The following HTR7 variants were observed in gnomAD, a reference collection of about 807,000 sequenced individuals.
HTR7 encodes 5-hydroxytryptamine receptor 7.
In HTR7, 16 loss-of-function variants were observed where a neutral mutation model predicts 34.0. That is an observed-to-expected ratio of 0.47 (90% CI 0.32 to 0.71). The LOEUF is 0.71. HTR7 is among the 30% of genes least tolerant of loss of function. The pLI is 0.04. For missense variants in HTR7, 504 were observed against 625.5 expected (o/e 0.81, Z 2.07); for synonymous variants, 265 against 260.2 (o/e 1.02, Z -0.18).
chr10:90,850,587 T>A (rs1846482540), intron 1 of HTR7, among the ~76,000 whole-genome samples: 1 of 151,336 alleles, frequency 6.6e-6, no homozygotes, highest in African/African-American at 2.4e-5. Context: ...GATATTGGAG[T>A]CAGGAAACGA....
rs376342721 is a variant in HTR7, at chr10:90,749,061, C to A, written c.1073G>T (p.Cys358Phe). ...TARPFICGTS[C>F]SCIPLWVERT... ...CTCCACCCACAGTGGGATGCAGCTG[C>A]AGGAAGTGCCACAGATGAAGGGTCT... is the stretch of plus-strand genomic sequence containing the variant. Residue 358 changes from cysteine to phenylalanine, a missense_variant, in exon 2 of 4, where the codon TGC (cysteine) becomes TTC (phenylalanine). This residue lies in a region of HTR7 where 154 missense variants were observed against 212.1 expected (regional missense o/e 0.73). Transcript: ENST00000336152. This position sits in a 1 kb window ranked among gnomAD's most constrained non-coding sequence, Gnocchi z 4.2. 3 of 1,613,932 alleles carry A rather than the reference C, an allele frequency of 1.9e-6. No individual in the cohort carries two copies. Among genetic ancestry groups the A allele is most frequent in the Non-Finnish European group, 2.5e-6 (3 of 1,179,908 alleles).
intron 1 of HTR7, among the ~76,000 whole-genome samples, chr10:90,810,082 G>C (rs927987879): frequency 9.2e-5 from 14 of 152,234 alleles, no homozygotes; most frequent in Middle Eastern, 3.4e-3. Context: ...TTGACGGCCA[G>C]GTTTCTAAAC....
At chr10:90,840,177 TCA>T (rs35170324) in intron 1 of HTR7, among the ~76,000 whole-genome samples, 11,207 of 136,522 alleles carry the variant, frequency 0.082, 598 homozygotes, top group African/African-American at 0.14. Flanking sequence ...TCTCTCTCTC[TCA>T]CACACACACA....
At chr10:90,824,601 T>A (rs1174599488) in intron 1 of HTR7, among the ~76,000 whole-genome samples, 6 of 152,208 alleles carry the variant, frequency 3.9e-5, no homozygotes, top group Non-Finnish European at 8.8e-5. Flanking sequence ...GCCTTGGCTC[T>A]TGGATTTCTG....
chr10:90,798,393 A>T (rs1845573449), intron 1 of HTR7, among the ~76,000 whole-genome samples: 1 of 152,206 alleles, frequency 6.6e-6, no homozygotes, highest in Non-Finnish European at 1.5e-5. Context: ...AGTCTGGTTA[A>T]ATTGGACTGG....
chr10:90,758,447 G>A (rs574429828), intron 1 of HTR7, among the ~76,000 whole-genome samples: 2 of 151,796 alleles, frequency 1.3e-5, no homozygotes, highest in African/African-American at 4.8e-5. Context: ...CAATGCATAT[G>A]GAAAAATTTA....
chr10:90,745,190 T>C (rs1844614541), intron 2 of HTR7, among the ~76,000 whole-genome samples: 1 of 152,222 alleles, frequency 6.6e-6, no homozygotes, highest in Non-Finnish European at 1.5e-5. Flanking sequence ...TGGTAGCTTA[T>C]AAACAACAGA....
chr10:90,800,112 C>T (rs1385212339), intron 1 of HTR7, among the ~76,000 whole-genome samples: 1 of 152,184 alleles, frequency 6.6e-6, no homozygotes, highest in Non-Finnish European at 1.5e-5. Flanking sequence ...AGAAATTCTA[C>T]ACACTCACTA....
Position 90,741,412 on chromosome 10 carries a change from T to C in HTR7, c.*1070A>G, listed in dbSNP as rs1457362061. On this transcript the variant is annotated 3_prime_UTR_variant, in exon 4 of 4. Coordinates refer to ENST00000336152, the MANE Select transcript of HTR7 (RefSeq NM_019859.4). ...CAGAATTGCTTAGGCACACATTTGA[T>C]TTAAGATACATAGAACACAAAAACA... is the stretch of plus-strand genomic sequence containing the variant. 6.6e-6 allele frequency: 1 copy of C among 152,408 alleles called. No homozygotes were observed. The highest frequency in any genetic ancestry group is 1.5e-5 in the Non-Finnish European group (1 of 68,024). The allele number at this position is 152,408 out of a possible 1,614,324, so 9.4% of individuals were successfully genotyped here.
chr10:90,816,295 C>T (rs973237008), intron 1 of HTR7, among the ~76,000 whole-genome samples: 1 of 152,208 alleles, frequency 6.6e-6, no homozygotes, highest in African/African-American at 2.4e-5. Flanking sequence ...CAGAATATAC[C>T]TCTCTGAGTT....
chr10:90,772,533 T>C (rs1000771985), intron 1 of HTR7, among the ~76,000 whole-genome samples: 1 of 152,198 alleles, frequency 6.6e-6, no homozygotes, highest in Admixed American at 6.5e-5. Context: ...CCTTTTCACA[T>C]GACGTATCTT....
intron 1 of HTR7, among the ~76,000 whole-genome samples, chr10:90,758,676 T>C (rs1406140279): frequency 1.3e-5 from 2 of 151,980 alleles, no homozygotes; most frequent in Non-Finnish European, 2.9e-5. Context: ...AAAGGACACA[T>C]AACATAGTTG....
rs1301542767 is a variant in HTR7 at position 90,741,868 on chromosome 10, T to A, written c.*614A>T. The A allele has an allele frequency of 6.6e-6, 1 of 152,542 alleles. No individual in the cohort carries two copies. Among genetic ancestry groups the A allele is most frequent in the East Asian group, 1.9e-4 (1 of 5,180 alleles). 9.4% of individuals were successfully genotyped at this position (152,542 alleles called of 1,614,324 possible). ...TGTTCCTGAGTTATACCATAATAAGTGAGTTAACACAGAAAAGTACATAGG... is the reference window on the plus strand; with the variant it reads ...TGTTCCTGAGTTATACCATAATAAGAGAGTTAACACAGAAAAGTACATAGG... On this transcript the variant is annotated 3_prime_UTR_variant, in exon 4 of 4. Transcript: ENST00000336152.
intron 1 of HTR7, among the ~76,000 whole-genome samples, chr10:90,833,289 T>C (rs924442108): frequency 9.2e-5 from 14 of 152,252 alleles, no homozygotes; most frequent in African/African-American, 3.4e-4. Context: ...ATTTGATTTT[T>C]ATCTTTTTAA....
Position 90,742,355 on chromosome 10 carries a change from G to A in HTR7, c.*127C>T. On this transcript the variant is annotated 3_prime_UTR_variant, in exon 4 of 4. Coordinates refer to ENST00000336152, the MANE Select transcript of HTR7 (RefSeq NM_019859.4). The stretch of plus-strand genomic sequence containing the variant: ...GATAGTGTGTACAACAGATCACCCT[G>A]TTTGTCATGTTTTAGACATCCCAAG... The A allele has an allele frequency of 1.5e-6, 1 of 686,922 alleles. No individual in the cohort carries two copies. The highest frequency in any genetic ancestry group is 2.5e-6 in the Non-Finnish European group (1 of 397,762). 42.6% of individuals were successfully genotyped at this position (686,922 alleles called of 1,614,324 possible). A position where few individuals can be genotyped will look rare whatever the true frequency, so the allele number is the denominator to read the frequency against.
intron 1 of HTR7, among the ~76,000 whole-genome samples, chr10:90,775,990 T>C (rs1271581508): frequency 2.0e-5 from 3 of 152,226 alleles, no homozygotes; most frequent in Non-Finnish European, 2.9e-5. Context: ...ATATCCTAAA[T>C]ATAATTTCCA....
chr10:90,777,515 A>G (rs1368639550), intron 1 of HTR7, among the ~76,000 whole-genome samples: 1 of 152,124 alleles, frequency 6.6e-6, no homozygotes, highest in Non-Finnish European at 1.5e-5. Context: ...CCTCCTACAA[A>G]AAGAGGTACA....
At chr10:90,784,206 A>G (rs1360668353) in intron 1 of HTR7, among the ~76,000 whole-genome samples, 2 of 152,234 alleles carry the variant, frequency 1.3e-5, no homozygotes, top group African/African-American at 4.8e-5. Context: ...TCGTTATCTT[A>G]AAATTAATTA....
intron 2 of HTR7, 21 bp downstream of exon 2, chr10:90,748,818 A>T (rs1449522358): frequency 6.3e-7 from 1 of 1,587,112 alleles, no homozygotes; most frequent in Non-Finnish European, 8.6e-7. Flanking sequence ...ATAAAAGGAA[A>T]ATAGTGATAA....
Sources: allele counts gnomAD v4.1 joint callset (sites outside exome capture counted in the v4.1 genomes callset), GRCh38; gene constraint gnomAD v4.1.1; regional missense constraint gnomAD v4.1.1; non-coding constraint Gnocchi (gnomAD v3.1); transcripts MANE v1.5; gene names NCBI Gene and HGNC (gene_info 2026-07-23, HGNC 2026-07-21).